The following GALNT18 variants were observed in gnomAD, a reference collection of about 807,000 sequenced individuals.
GALNT18 encodes the protein GalNAc-transferase 18.
Under a neutral mutation model 69.5 loss-of-function variants are expected in GALNT18, and 44 were observed. The ratio of observed to expected loss-of-function variants is 0.63; its 90% CI spans 0.50 to 0.81. GALNT18 has a LOEUF of 0.81. Among genes scored for constraint, GALNT18 ranks in the 40% least tolerant of loss-of-function variants. The pLI is 0.00. For synonymous variants in GALNT18, 364 were observed against 318.2 expected (o/e 1.14, Z -1.53); for missense variants, 715 against 810.0 (o/e 0.88, Z 1.42).
chr11:11,284,779 C>T (rs1038303945), intron 10 of GALNT18, among the ~76,000 whole-genome samples: 2 of 152,028 alleles, frequency 1.3e-5, no homozygotes, highest in Non-Finnish European at 2.9e-5. Flanking sequence ...TAATCAAATA[C>T]TTCAAAGCAT....
In GALNT18 at chr11:11,616,418, T is replaced by A. The variant is rs1860051592; in HGVS notation, c.235+4941A>T. ...CAATCTTTCATAAAAATGTTCAGAC[T>A]CTTTGAGTCAGTACTAATCCCACTT... On this transcript the variant is annotated intron_variant, in intron 1 of 10. Coordinates refer to ENST00000227756, the MANE Select transcript of GALNT18 (RefSeq NM_198516.3). This position sits in a 1 kb window ranked among gnomAD's most constrained non-coding sequence, Gnocchi z 4.4. Among the ~76,000 whole-genome samples the A allele has an allele frequency of 6.6e-6, 1 of 152,194 alleles. No individual in the cohort carries two copies. The highest frequency in any genetic ancestry group is 1.5e-5 in the Non-Finnish European group (1 of 68,034).
intron 1 of GALNT18, among the ~76,000 whole-genome samples, chr11:11,579,674 A>AT (rs1186747782): frequency 2.0e-5 from 3 of 152,138 alleles, no homozygotes; most frequent in African/African-American, 7.2e-5. Context: ...AGCAGGTACG[A>AT]TTAAGATTAA....
intron 1 of GALNT18, among the ~76,000 whole-genome samples, chr11:11,529,250 GTTT>G (rs1230771891): frequency 6.6e-6 from 1 of 152,222 alleles, no homozygotes; most frequent in Non-Finnish European, 1.5e-5. Context: ...GCTTGAGGGT[GTTT>G]TTGTATGAGA....
chr11:11,526,407 G>T (rs1331295877), intron 1 of GALNT18, among the ~76,000 whole-genome samples: 2 of 152,078 alleles, frequency 1.3e-5, no homozygotes, highest in Non-Finnish European at 2.9e-5. Flanking sequence ...ATGCAGCGCT[G>T]GTCCCTTTCT....
In GALNT18 at chr11:11,340,718, G is replaced by A; in HGVS notation, c.1278+101C>T. The stretch of plus-strand genomic sequence containing the variant: ...AGAGTCCATTCTTGCATGGCAAACA[G>A]GACTCTGGCTGACCCATAGGAAGAA... On this transcript the variant is annotated intron_variant, in intron 7 of 10. Coordinates refer to ENST00000227756, the MANE Select transcript of GALNT18 (RefSeq NM_198516.3). This position sits in a 1 kb window ranked among gnomAD's most constrained non-coding sequence, Gnocchi z 4.2. 8.8e-7 allele frequency: 1 copy of A among 1,131,040 alleles called. No individual in the cohort carries two copies. 70.1% of individuals were successfully genotyped at this position (1,131,040 alleles called of 1,614,324 possible). A position where few individuals can be genotyped will look rare whatever the true frequency, so the allele number is the denominator to read the frequency against.
chr11:11,461,787 T>C lies in GALNT18; in HGVS notation c.236-12851A>G, dbSNP rs890653193. On this transcript the variant is annotated intron_variant, in intron 1 of 10. Transcript: ENST00000227756. The surrounding 1 kb of genome is among the most constrained non-coding windows in gnomAD (Gnocchi z 4.1). The stretch of plus-strand genomic sequence containing the variant: ...AGACAGGGAGAAAGCAGTGTGGCCC[T>C]TGCCAGTAGGACAGCCTGCAGCCCA... 4.6e-5 allele frequency among the ~76,000 whole-genome samples: 7 copies of C among 152,222 alleles called. No homozygotes were observed. The highest frequency in any genetic ancestry group is 8.8e-5 in the Non-Finnish European group (6 of 68,046).
chr11:11,596,937 T>A lies in GALNT18; in HGVS notation c.235+24422A>T, dbSNP rs10765872. ...ATTAAGTATGATGTTAGTTGTGGGA[T>A]TTTTTGTAGATGTTCTTCATCAGGT... On this transcript the variant is annotated intron_variant, in intron 1 of 10. Coordinates refer to ENST00000227756, the MANE Select transcript of GALNT18 (RefSeq NM_198516.3). This position sits in a 1 kb window ranked among gnomAD's most constrained non-coding sequence, Gnocchi z 4.2. 6.6e-6 allele frequency among the ~76,000 whole-genome samples: 1 copy of A among 151,920 alleles called. No homozygotes were observed. Among genetic ancestry groups the A allele is most frequent in the South Asian group, 2.1e-4 (1 of 4,828 alleles).
intron 1 of GALNT18, among the ~76,000 whole-genome samples, chr11:11,503,732 C>A (rs138639446): frequency 7.3e-4 from 111 of 152,336 alleles, no homozygotes; most frequent in African/African-American, 2.5e-3. Context: ...CTTCTGTGAC[C>A]GTTCCAACTG....
intron 1 of GALNT18, among the ~76,000 whole-genome samples, chr11:11,452,120 G>A (rs1041301601): frequency 1.7e-4 from 26 of 152,202 alleles, no homozygotes; most frequent in Admixed American, 1.5e-3. Context: ...CCCGAGCCCT[G>A]TCTGCCCTGT....
At chr11:11,456,678 T>G (rs978667477) in intron 1 of GALNT18, among the ~76,000 whole-genome samples, 1 of 152,188 alleles carries the variant, frequency 6.6e-6, no homozygotes, top group South Asian at 2.1e-4. Flanking sequence ...ACCAGTTGCT[T>G]GAGTCCTTCC....
At chr11:11,394,603 T>A (rs1854279319) in intron 3 of GALNT18, among the ~76,000 whole-genome samples, 1 of 152,070 alleles carries the variant, frequency 6.6e-6, no homozygotes, top group South Asian at 2.1e-4. Context: ...GGAGGTGAGG[T>A]TTTTGTTTTA....
intron 6 of GALNT18, among the ~76,000 whole-genome samples, chr11:11,351,652 T>C (rs1850404859): frequency 6.6e-6 from 1 of 152,196 alleles, no homozygotes; most frequent in African/African-American, 2.4e-5. Context: ...CTATCTACTG[T>C]AATCACTTCT....
rs1363692713 is a variant in GALNT18, at chr11:11,511,540, G to A, written c.236-62604C>T. 6.6e-6 allele frequency among the ~76,000 whole-genome samples: 1 copy of A among 152,242 alleles called. No individual in the cohort carries two copies. Among genetic ancestry groups the A allele is most frequent in the East Asian group, 1.9e-4 (1 of 5,186 alleles). Reference sequence around the variant, plus strand: ...GCCACTCACCCCTCAGAAAATCTGAGAAAAGGCTTGGACTATCTCTCCAGA... The same window carrying A: ...GCCACTCACCCCTCAGAAAATCTGAAAAAAGGCTTGGACTATCTCTCCAGA... On this transcript the variant is annotated intron_variant, in intron 1 of 10. Transcript: ENST00000227756. This position sits in a 1 kb window ranked among gnomAD's most constrained non-coding sequence, Gnocchi z 4.9.
In GALNT18 at chr11:11,543,187, TATA is replaced by T. The variant is rs1441634957; in HGVS notation, c.235+78169_235+78171del. Among the ~76,000 whole-genome samples, 1 of 152,204 alleles carries T rather than the reference TATA, an allele frequency of 6.6e-6. No homozygotes were observed. Among genetic ancestry groups the T allele is most frequent in the Non-Finnish European group, 1.5e-5 (1 of 68,020 alleles). On this transcript the variant is annotated intron_variant, in intron 1 of 10. Coordinates refer to ENST00000227756, the MANE Select transcript of GALNT18 (RefSeq NM_198516.3). This position sits in a 1 kb window ranked among gnomAD's most constrained non-coding sequence, Gnocchi z 5.1. ...TAGGGAGTAGAGCCTGCCAAATGGC[TATA>T]ATGTCTTGGATGTTTCTAGAACCTC...
chr11:11,610,260 C>T (rs1430234433), intron 1 of GALNT18, among the ~76,000 whole-genome samples: 3 of 152,160 alleles, frequency 2.0e-5, no homozygotes, highest in Non-Finnish European at 4.4e-5. Flanking sequence ...ACAAGAGGGC[C>T]CTTAGCCCCT....
chr11:11,486,889 T>C (rs10831621), intron 1 of GALNT18, among the ~76,000 whole-genome samples: 25,242 of 152,204 alleles, frequency 0.17, 2,310 homozygotes, highest in East Asian at 0.3. Flanking sequence ...AAGAGCTGTG[T>C]ATGTGAGGGA....
At chr11:11,599,840 A>T (rs1364730349) in intron 1 of GALNT18, among the ~76,000 whole-genome samples, 2 of 152,014 alleles carry the variant, frequency 1.3e-5, no homozygotes, top group Non-Finnish European at 2.9e-5. Context: ...ATATGAATAC[A>T]TTGTAAAGTG....
Position 11,601,307 on chromosome 11 carries a change from T to C in GALNT18, c.235+20052A>G, listed in dbSNP as rs2133945868. ...TTGTTTACTTGTTTACCGCATTGGA[T>C]GGGCTACTTCAGTGAAGTCCTTTTC... On this transcript the variant is annotated intron_variant, in intron 1 of 10. Transcript: ENST00000227756. The surrounding 1 kb of genome is among the most constrained non-coding windows in gnomAD (Gnocchi z 4.0). Among the ~76,000 whole-genome samples the C allele has an allele frequency of 6.6e-6, 1 of 152,356 alleles. No individual in the cohort carries two copies. Among genetic ancestry groups the C allele is most frequent in the African/African-American group, 2.4e-5 (1 of 41,588 alleles).
At chr11:11,280,808 G>A (rs1296457432) in intron 10 of GALNT18, among the ~76,000 whole-genome samples, 2 of 152,158 alleles carry the variant, frequency 1.3e-5, no homozygotes, top group South Asian at 2.1e-4. Flanking sequence ...TGCTCCTGAT[G>A]GGTGTGAAGC....
Sources: allele counts gnomAD v4.1 joint callset (sites outside exome capture counted in the v4.1 genomes callset), GRCh38; gene constraint gnomAD v4.1.1; non-coding constraint Gnocchi (gnomAD v3.1); transcripts MANE v1.5; gene names NCBI Gene and HGNC (gene_info 2026-07-23, HGNC 2026-07-21).